The following SV2C variants were observed in gnomAD, a reference collection of about 807,000 sequenced individuals.
SV2C encodes the protein solute carrier family 22 member B3.
In SV2C, 49 loss-of-function variants were observed where a neutral mutation model predicts 79.7. The ratio of observed to expected loss-of-function variants is 0.61; its 90% CI spans 0.49 to 0.78. The LOEUF is 0.78. Among genes scored for constraint, SV2C ranks in the 30% least tolerant of loss-of-function variants. SV2C has a pLI of 0.00. For missense variants in SV2C, 833 were observed against 912.9 expected (o/e 0.91, Z 1.13); for synonymous variants, 334 against 333.2 (o/e 1.00, Z -0.03).
the SV2C span, among the ~76,000 whole-genome samples, chr5:76,000,997 C>T: frequency 3.5e-5 from 5 of 144,898 alleles, no homozygotes; most frequent in African/African-American, 8.0e-5. Context: ...TAGTACCACT[C>T]GGTACAATTA....
the SV2C span, among the ~76,000 whole-genome samples, chr5:75,999,278 A>T: frequency 6.7e-6 from 1 of 149,962 alleles, no homozygotes; most frequent in East Asian, 2.1e-4. Flanking sequence ...GTATGTGTGT[A>T]TGTACATATA....
At chr5:76,174,029 A>T (rs755365376) in intron 2 of SV2C, 1 of 1,567,002 alleles carries the variant, frequency 6.4e-7, no homozygotes, top group South Asian at 1.1e-5. Context: ...GATTTCAAGC[A>T]TACACTGTTG....
chr5:76,020,145 C>A, the SV2C span, among the ~76,000 whole-genome samples: 1,098 of 152,240 alleles, frequency 7.2e-3, 17 homozygotes, highest in African/African-American at 0.025. Context: ...TCAAAGTGGG[C>A]TATATGGCTT....
the SV2C span, among the ~76,000 whole-genome samples, chr5:75,871,935 A>G: frequency 1.4e-5 from 2 of 147,860 alleles, no homozygotes; most frequent in African/African-American, 2.5e-5. Context: ...GGTTAGTTAC[A>G]TATGTATACA....
intron 1 of SV2C, among the ~76,000 whole-genome samples, chr5:76,095,750 T>A (rs1195652566): frequency 6.6e-6 from 1 of 152,118 alleles, no homozygotes; most frequent in Non-Finnish European, 1.5e-5. Flanking sequence ...TCTAAAAATA[T>A]CAGAATGTTA....
At chr5:75,910,633 A>T in the SV2C span, 1 of 880,002 alleles carries the variant, frequency 1.1e-6, no homozygotes, top group East Asian at 2.6e-5. Context: ...ATGGTGCCCA[A>T]CATCACCTGG....
the SV2C span, among the ~76,000 whole-genome samples, chr5:76,001,280 T>A: frequency 6.6e-6 from 1 of 152,110 alleles, no homozygotes; most frequent in Non-Finnish European, 1.5e-5. Flanking sequence ...TAATTTTGCA[T>A]ACAGAATTTT....
At chr5:75,926,037 G>C in the SV2C span, among the ~76,000 whole-genome samples, 1 of 152,160 alleles carries the variant, frequency 6.6e-6, no homozygotes, top group Non-Finnish European at 1.5e-5. Context: ...TAAAGTTTCA[G>C]GTTGAAATGG....
chr5:75,941,237 A>T, the SV2C span, among the ~76,000 whole-genome samples: 1 of 152,222 alleles, frequency 6.6e-6, no homozygotes, highest in East Asian at 1.9e-4. Flanking sequence ...ACTTAAATCT[A>T]AATAAACAAA....
chr5:76,245,047 A>G (rs1745902864), intron 4 of SV2C, among the ~76,000 whole-genome samples: 1 of 152,224 alleles, frequency 6.6e-6, no homozygotes, highest in Non-Finnish European at 1.5e-5. Context: ...GAAATCTTCC[A>G]TGGTACCCCC....
chr5:76,347,342 T>G (rs1051000197), intron 12 of SV2C, among the ~76,000 whole-genome samples: 1 of 152,098 alleles, frequency 6.6e-6, no homozygotes, highest in Non-Finnish European at 1.5e-5. Flanking sequence ...CAAACAACAC[T>G]CTGGGAAGCT....
intron 3 of SV2C, among the ~76,000 whole-genome samples, chr5:76,207,319 G>A (rs1396654381): frequency 1.3e-5 from 2 of 152,156 alleles, no homozygotes; most frequent in African/African-American, 2.4e-5. Flanking sequence ...AAACATTAAT[G>A]AGGAAGTGAA....
chr5:76,059,693 A>G, the SV2C span, among the ~76,000 whole-genome samples: 1 of 152,090 alleles, frequency 6.6e-6, no homozygotes, highest in African/African-American at 2.4e-5. Context: ...AATTTCTTCC[A>G]AACTCCTGTT....
chr5:76,312,293 C>A (rs1748472097), intron 12 of SV2C, among the ~76,000 whole-genome samples: 1 of 151,810 alleles, frequency 6.6e-6, no homozygotes, highest in Non-Finnish European at 1.5e-5. Flanking sequence ...CACTCTGTCA[C>A]CCAGGCTGGA....
the SV2C span, among the ~76,000 whole-genome samples, chr5:75,892,194 C>T: frequency 6.6e-6 from 1 of 151,300 alleles, no homozygotes; most frequent in African/African-American, 2.4e-5. Flanking sequence ...TCTTCATGTT[C>T]CCTGGTTTGG....
chr5:76,049,002 A>AG, the SV2C span, among the ~76,000 whole-genome samples: 2 of 101,274 alleles, frequency 2.0e-5, no homozygotes, highest in South Asian at 1.1e-3. Flanking sequence ...AAAGAAAGAA[A>AG]GAAAGAAAGA....
the SV2C span, among the ~76,000 whole-genome samples, chr5:76,022,580 C>G: frequency 6.6e-6 from 1 of 152,158 alleles, no homozygotes. Context: ...CCCACAATGG[C>G]TGACCTTCTG....
the SV2C span, among the ~76,000 whole-genome samples, chr5:75,951,840 A>G: frequency 6.6e-6 from 1 of 152,018 alleles, no homozygotes; most frequent in Non-Finnish European, 1.5e-5. Flanking sequence ...TTCTTCCAAC[A>G]ACACTATTTG....
chr5:75,861,898 A>C, the SV2C span, among the ~76,000 whole-genome samples: 1 of 152,178 alleles, frequency 6.6e-6, no homozygotes, highest in Non-Finnish European at 1.5e-5. Context: ...GAGTTCAATC[A>C]CACCCCAGAC....
Sources: allele counts gnomAD v4.1 joint callset (sites outside exome capture counted in the v4.1 genomes callset), GRCh38; gene constraint gnomAD v4.1.1; transcripts MANE v1.5; gene names NCBI Gene and HGNC (gene_info 2026-07-23, HGNC 2026-07-21).